Variants in TTC1 observed in about 807,000 individuals in gnomAD.
TTC1 encodes tetratricopeptide repeat domain 1.
In TTC1, 31 loss-of-function variants were observed where a neutral mutation model predicts 37.6. That is an observed-to-expected ratio of 0.82 (90% CI 0.62 to 1.11). TTC1 has a LOEUF of 1.11. Ranked by LOEUF, TTC1 falls within the 50% of genes most tolerant of loss-of-function variation. TTC1 has a pLI of 0.00. For missense variants in TTC1, 351 were observed against 339.0 expected, an observed-to-expected ratio of 1.04 and a Z score of -0.28; for synonymous variants, 127 against 122.4, an observed-to-expected ratio of 1.04 and a Z score of -0.25.
rs373263585 is a variant in TTC1 at position 160,037,338 on chromosome 5, A to G, written c.504+535A>G. ...ACTTTGAAAACATTTTGTATTTCCA[A>G]AGGACTGAGAACCTAGTATAACAAG... On this transcript the variant is annotated intron_variant, in intron 4 of 7. Transcript: ENST00000231238. 2.7e-4 allele frequency among the ~76,000 whole-genome samples: 41 copies of G among 152,338 alleles called. No homozygotes were observed. In the East Asian group the frequency reaches 6.7e-3, roughly 25 times the overall value.
chr5:160,057,958 G>A lies in TTC1; in HGVS notation c.745+6775G>A, dbSNP rs1757586765. Among the ~76,000 whole-genome samples the A allele has an allele frequency of 6.6e-6, 1 of 152,144 alleles. No homozygotes were observed. The highest frequency in any genetic ancestry group is 2.1e-4 in the South Asian group (1 of 4,818). On this transcript the variant is annotated intron_variant, in intron 7 of 7. Coordinates refer to ENST00000231238, the MANE Select transcript of TTC1 (RefSeq NM_003314.3). This position sits in a 1 kb window ranked among gnomAD's most constrained non-coding sequence, Gnocchi z 4.4. ...AATTTTTCTATTTTTGTAGAGATGGGTTTTCACCATGTTGGCCAGGCTGGT... is the reference window on the plus strand; with the variant it reads ...AATTTTTCTATTTTTGTAGAGATGGATTTTCACCATGTTGGCCAGGCTGGT...
At chr5:160,013,303 T>C (rs1756532746) in intron 2 of TTC1, among the ~76,000 whole-genome samples, 1 of 152,170 alleles carries the variant, frequency 6.6e-6, no homozygotes. Flanking sequence ...AGAAATGTCT[T>C]CTACATATAT....
At chr5:160,060,912 G>GC (rs1434316817) in intron 7 of TTC1, among the ~76,000 whole-genome samples, 4 of 152,190 alleles carry the variant, frequency 2.6e-5, no homozygotes, top group African/African-American at 4.8e-5. Flanking sequence ...TTTAATGTTT[G>GC]TTCAGTGAAT....
At chr5:160,045,299 C>A (rs754422095) in intron 5 of TTC1, among the ~76,000 whole-genome samples, 1 of 152,034 alleles carries the variant, frequency 6.6e-6, no homozygotes, top group African/African-American at 2.4e-5. Flanking sequence ...GTTTTCCAAC[C>A]AAAGTGTTTT....
chr5:160,051,293 C>A, intron 7 of TTC1, 110 bp downstream of exon 7: 3 of 821,238 alleles, frequency 3.7e-6, no homozygotes, highest in Non-Finnish European at 5.6e-6. Flanking sequence ...GACTCTACCA[C>A]AAGGCTACTG....
intron 2 of TTC1, among the ~76,000 whole-genome samples, chr5:160,025,228 A>G (rs1756780969): frequency 6.6e-6 from 1 of 152,132 alleles, no homozygotes; most frequent in African/African-American, 2.4e-5. Flanking sequence ...GGGTTTGACC[A>G]TGTTGGCCAG....
intron 2 of TTC1, among the ~76,000 whole-genome samples, chr5:160,015,631 G>A (rs1756591058): frequency 6.6e-6 from 1 of 152,188 alleles, no homozygotes; most frequent in African/African-American, 2.4e-5. Context: ...ACCTTTCCCT[G>A]TGTGTCTCTT....
chr5:160,048,469 A>G (rs4385243), intron 5 of TTC1, among the ~76,000 whole-genome samples: 103,226 of 151,974 alleles, frequency 0.68, 35,145 homozygotes, highest in East Asian at 0.74. Flanking sequence ...CTGCTTTCTA[A>G]TAGAAAAAGA....
At position 160,055,217 on chromosome 5, in the gene TTC1, T is replaced by TC. The variant is rs200539444; in HGVS notation, c.745+4035dup. On this transcript the variant is annotated intron_variant, in intron 7 of 7. Transcript: ENST00000231238. The stretch of plus-strand genomic sequence containing the variant: ...CCCGTATGCTGGCCCAGCCAAGAAG[T>TC]CTTTCAAGCAAGTGAAATTGTCAAT... Among the ~76,000 whole-genome samples the TC allele has an allele frequency of 4.2e-3, 640 of 152,344 alleles. 2 individuals carry two copies. The highest frequency in any genetic ancestry group is 0.013 in the African/African-American group (556 of 41,578).
At chr5:160,025,741 T>G (rs145844497) in intron 2 of TTC1, among the ~76,000 whole-genome samples, 2 of 152,342 alleles carry the variant, frequency 1.3e-5, no homozygotes, top group East Asian at 3.9e-4. Flanking sequence ...GAGGATGAAC[T>G]TTGTTGTTTT....
intron 7 of TTC1, among the ~76,000 whole-genome samples, chr5:160,060,664 C>T (rs1753343555): frequency 6.6e-6 from 1 of 152,222 alleles, no homozygotes; most frequent in Non-Finnish European, 1.5e-5. Flanking sequence ...CTGCTTTAGC[C>T]TCTGAGCACC....
At chr5:160,011,149 A>T (rs1299778234) in intron 2 of TTC1, among the ~76,000 whole-genome samples, 1 of 152,168 alleles carries the variant, frequency 6.6e-6, no homozygotes, top group African/African-American at 2.4e-5. Flanking sequence ...TTCAAAATGT[A>T]TATATACTTT....
chr5:160,021,037 GA>G (rs1396761323), intron 2 of TTC1, among the ~76,000 whole-genome samples: 1 of 152,186 alleles, frequency 6.6e-6, no homozygotes, highest in African/African-American at 2.4e-5. Context: ...TTTGCTGGCA[GA>G]AAAGTTAAAA....
chr5:160,042,418 TTATA>T (rs1214530952), intron 4 of TTC1, among the ~76,000 whole-genome samples: 1 of 152,214 alleles, frequency 6.6e-6, no homozygotes, highest in African/African-American at 2.4e-5. Context: ...GCAAGACATC[TTATA>T]TAACATCCAG....
intron 2 of TTC1, among the ~76,000 whole-genome samples, chr5:160,025,054 G>A (rs1206180197): frequency 6.6e-6 from 1 of 152,102 alleles, no homozygotes; most frequent in Non-Finnish European, 1.5e-5. Context: ...TTGAGACGAA[G>A]TCTCACTCTG....
chr5:160,030,906 TTCCTC>T (rs1354609643), intron 2 of TTC1, among the ~76,000 whole-genome samples: 1 of 152,154 alleles, frequency 6.6e-6, no homozygotes, highest in Non-Finnish European at 1.5e-5. Context: ...TGGAAAGACT[TTCCTC>T]TGATAGTGCT....
chr5:160,047,519 T>C (rs1757283469), intron 5 of TTC1, among the ~76,000 whole-genome samples: 1 of 152,216 alleles, frequency 6.6e-6, no homozygotes, highest in Non-Finnish European at 1.5e-5. Flanking sequence ...GCTTTCCAGC[T>C]GATCTCACAG....
At chr5:160,032,276 T>C (rs969661956) in intron 2 of TTC1, among the ~76,000 whole-genome samples, 2 of 152,180 alleles carry the variant, frequency 1.3e-5, no homozygotes, top group Non-Finnish European at 2.9e-5. Flanking sequence ...TAGCTTAAGA[T>C]TTACAGTCAA....
chr5:160,037,995 GT>G (rs1181973094), intron 4 of TTC1, among the ~76,000 whole-genome samples: 4 of 151,566 alleles, frequency 2.6e-5, no homozygotes, highest in Non-Finnish European at 5.9e-5. Context: ...AGGTGACAAG[GT>G]TTTTTTTGTT....
Sources: allele counts gnomAD v4.1 joint callset (sites outside exome capture counted in the v4.1 genomes callset), GRCh38; gene constraint gnomAD v4.1.1; non-coding constraint Gnocchi (gnomAD v3.1); transcripts MANE v1.5; gene names NCBI Gene and HGNC (gene_info 2026-07-23, HGNC 2026-07-21).